Variants in TRPM6 observed in about 807,000 individuals in gnomAD.
TRPM6 encodes the protein transient receptor potential cation channel subfamily M member 6, also known as channel kinase 2.
A neutral mutation model predicts 247.6 loss-of-function variants in TRPM6; 111 were observed. That is an observed-to-expected ratio of 0.45 (90% confidence interval 0.38 to 0.52). The LOEUF is 0.52. TRPM6 is among the 20% of genes least tolerant of loss of function. TRPM6 has a pLI of 0.00. For missense variants in TRPM6, 2,126 were observed against 2,421.5 expected (o/e 0.88, Z 2.56); for synonymous variants, 892 against 853.8 (o/e 1.04, Z -0.78).
In TRPM6 at chr9:74,762,503, G is replaced by T. The variant is rs149679652; in HGVS notation, c.4168C>A (p.Gln1390Lys). ...QTEVLVHLTGQTPVVSDWASV... is the reference protein window; with the variant it reads ...QTEVLVHLTGKTPVVSDWASV... Reference sequence around the variant, plus strand: ...GCCCAGTCAGAGACAACTGGGGTCTGCCCAGTCAGATGAACAAGAACCTCA... The same window carrying T: ...GCCCAGTCAGAGACAACTGGGGTCTTCCCAGTCAGATGAACAAGAACCTCA... The change falls in exon 26 of 39, where the codon CAG (glutamine) becomes AAG (lysine). Residue 1390 changes from glutamine (Q) to lysine (K), a missense_variant. Coordinates refer to ENST00000360774, the MANE Select transcript of TRPM6 (RefSeq NM_017662.5). The T allele has an allele frequency of 1.3e-5, 21 of 1,614,146 alleles. No homozygotes were observed. In the African/African-American group the frequency reaches 2.4e-4, roughly 18 times the overall value.
chr9:74,786,118 A>C lies in TRPM6; in HGVS notation c.2675T>G (p.Ile892Ser). The C allele has an allele frequency of 6.2e-7, 1 of 1,614,212 alleles. No homozygotes were observed. Among genetic ancestry groups the C allele is most frequent in the East Asian group, 2.2e-5 (1 of 44,882 alleles). ...TTGGGTAAACTTCCCAGGTTCTGAA[A>C]TACAGATCTAAAAGAAGGAAGAAGG... is the stretch of plus-strand genomic sequence containing the variant. Reference protein sequence around the residue: ...NAIEVVREICISEPGKFTQKV... With the variant: ...NAIEVVREICSSEPGKFTQKV... Residue 892 changes from isoleucine (I) to serine (S), a missense_variant, in exon 21 of 39, where the codon ATT (isoleucine) becomes AGT (serine). Transcript: ENST00000360774.
chr9:74,823,899 T>C (rs1564031157), intron 7 of TRPM6, among the ~76,000 whole-genome samples: 2 of 151,684 alleles, frequency 1.3e-5, no homozygotes, highest in Non-Finnish European at 2.9e-5. Flanking sequence ...AGTTTTTGCT[T>C]AAAAGATGTT....
chr9:74,816,078 C>A (rs1352747927), intron 11 of TRPM6, among the ~76,000 whole-genome samples: 1 of 152,198 alleles, frequency 6.6e-6, no homozygotes, highest in Non-Finnish European at 1.5e-5. Context: ...GTACGCCAGG[C>A]ACAGTGGCTC....
At chr9:74,877,880 C>T (rs1831240348) in intron 1 of TRPM6, among the ~76,000 whole-genome samples, 1 of 152,110 alleles carries the variant, frequency 6.6e-6, no homozygotes, top group Admixed American at 6.5e-5. Context: ...GCCTGGGGAT[C>T]ACCTCACCCC....
chr9:74,842,309 C>T lies in TRPM6; in HGVS notation c.187G>A (p.Gly63Arg), dbSNP rs1229310272. 2 of 1,613,928 alleles carry T rather than the reference C, an allele frequency of 1.2e-6. No homozygotes were observed. The highest frequency in any genetic ancestry group is 2.7e-5 in the African/African-American group (2 of 74,884). ...YCGRLIGDHA[G>R]IDYSWTISAA... ...GAGATGGTCCAGGAATAATCTATCC[C>T]AGCATGGTCTCCAATCAGTCGGCCA... is the stretch of plus-strand genomic sequence containing the variant. Residue 63 changes from glycine to arginine, a missense_variant, in exon 4 of 39, where the codon GGG becomes AGG. By Grantham distance (125) the Gly-to-Arg change is moderately radical. This residue lies in a region of TRPM6 where 1,082 missense variants were observed against 1,307.9 expected (regional missense o/e 0.83). Transcript: ENST00000360774.
intron 1 of TRPM6, chr9:74,887,137 C>T: frequency 2.7e-6 from 2 of 727,730 alleles, no homozygotes; most frequent in Non-Finnish European, 3.9e-6. Flanking sequence ...CATATGCCAG[C>T]GGTGGAGAGG....
chr9:74,853,786 C>T (rs1830441600), intron 3 of TRPM6, among the ~76,000 whole-genome samples: 1 of 152,224 alleles, frequency 6.6e-6, no homozygotes, highest in Non-Finnish European at 1.5e-5. Context: ...ATCTGCTGAG[C>T]TTCCCTCCAC....
intron 23 of TRPM6, among the ~76,000 whole-genome samples, chr9:74,781,737 A>G (rs985120718): frequency 6.6e-6 from 1 of 152,122 alleles, no homozygotes; most frequent in African/African-American, 2.4e-5. Context: ...ATCACTTGCT[A>G]TCCTTTCATA....
chr9:74,745,406 TA>T (rs1421055354), intron 31 of TRPM6, among the ~76,000 whole-genome samples: 9 of 152,024 alleles, frequency 5.9e-5, no homozygotes, highest in African/African-American at 2.2e-4. Flanking sequence ...TCCATTCTAG[TA>T]AAAGGAAATA....
intron 11 of TRPM6, among the ~76,000 whole-genome samples, 193 bp from the exon 12 acceptor site, chr9:74,812,626 A>G (rs567578508): frequency 6.9e-4 from 105 of 151,606 alleles, no homozygotes; most frequent in Non-Finnish European, 1.3e-3. Context: ...TCAGTGGCGC[A>G]CACCTGTAAT....
At chr9:74,758,350 C>G (rs766206843) in intron 27 of TRPM6, among the ~76,000 whole-genome samples, 1 of 151,894 alleles carries the variant, frequency 6.6e-6, no homozygotes, top group African/African-American at 2.4e-5. Context: ...GACAACTATC[C>G]CTCAATAATT....
chr9:74,767,958 T>A (rs111283160), intron 25 of TRPM6, among the ~76,000 whole-genome samples: 2,690 of 152,158 alleles, frequency 0.018, 80 homozygotes, highest in African/African-American at 0.062. Context: ...TAATAATAAA[T>A]TAGAGCTTCA....
At chr9:74,863,006 G>T (rs1830735540) in intron 1 of TRPM6, among the ~76,000 whole-genome samples, 1 of 151,750 alleles carries the variant, frequency 6.6e-6, no homozygotes, top group South Asian at 2.1e-4. Context: ...ATAGTTTTAT[G>T]CATGAAACAA....
chr9:74,792,184 T>C (rs1484314152), intron 19 of TRPM6, among the ~76,000 whole-genome samples: 1 of 152,262 alleles, frequency 6.6e-6, no homozygotes, highest in Non-Finnish European at 1.5e-5. Context: ...TTTACCACTT[T>C]TGTGGAATGT....
rs192038525 is a variant in TRPM6, at chr9:74,783,962, A to G, written c.2920-1109T>C. Reference sequence around the variant, plus strand: ...GTCTTAGGTCCTTGTGAACAGCCAGATGGAAAAAGCCGGCCGGGCTCAGTA... The same window carrying G: ...GTCTTAGGTCCTTGTGAACAGCCAGGTGGAAAAAGCCGGCCGGGCTCAGTA... On this transcript the variant is annotated intron_variant, in intron 21 of 38. Transcript: ENST00000360774. Among the ~76,000 whole-genome samples, 728 of 152,296 alleles carry G rather than the reference A, an allele frequency of 4.8e-3. 4 individuals carry two copies. Among genetic ancestry groups the G allele is most frequent in the Non-Finnish European group, 7.8e-3 (530 of 68,010 alleles).
At chr9:74,846,149 C>G (rs1032848786) in intron 3 of TRPM6, among the ~76,000 whole-genome samples, 1 of 152,148 alleles carries the variant, frequency 6.6e-6, no homozygotes, top group African/African-American at 2.4e-5. Flanking sequence ...CTTGATTAAT[C>G]AACAGATAAG....
intron 5 of TRPM6, among the ~76,000 whole-genome samples, chr9:74,839,287 G>A (rs190106839): frequency 2.3e-3 from 345 of 152,174 alleles, no homozygotes; most frequent in African/African-American, 8.0e-3. Flanking sequence ...AAGCTCCCCA[G>A]GTTGTCCTTA....
At chr9:74,849,072 G>T (rs761430317) in intron 3 of TRPM6, among the ~76,000 whole-genome samples, 1 of 152,170 alleles carries the variant, frequency 6.6e-6, no homozygotes, top group Non-Finnish European at 1.5e-5. Context: ...AAATTCAGCA[G>T]GGCACGGTGT....
At chr9:74,733,481 A>G (rs1825593445) in intron 36 of TRPM6, among the ~76,000 whole-genome samples, 1 of 152,172 alleles carries the variant, frequency 6.6e-6, no homozygotes, top group Non-Finnish European at 1.5e-5. Flanking sequence ...TACCACTTGT[A>G]TATAGCAGAT....
Sources: gnomAD v4.1 joint callset for allele counts (sites outside exome capture counted in the v4.1 genomes callset) on GRCh38, gnomAD v4.1.1 for gene constraint, gnomAD v4.1.1 regional missense constraint, MANE v1.5 for transcripts, NCBI Gene and HGNC (gene_info 2026-07-23, HGNC 2026-07-21) for gene names.